The following MAGI1 variants were observed in gnomAD, a reference collection of about 807,000 sequenced individuals.
The protein encoded by MAGI1 is membrane associated guanylate kinase, WW and PDZ domain containing 1.
MAGI1 carries 58 observed loss-of-function variants against 139.9 expected under a neutral mutation model. The observed-to-expected ratio is 0.41, with a 90% confidence interval of 0.34 to 0.52. MAGI1 has a LOEUF of 0.52. MAGI1 is among the 20% of genes least tolerant of loss of function. The pLI, the probability that MAGI1 is intolerant of heterozygous loss-of-function variation, is 0.12. For synonymous variants in MAGI1, 812 were observed against 737.9 expected (o/e 1.10, Z -1.63); for missense variants, 1,874 against 1,901.6 (o/e 0.99, Z 0.27).
At chr3:65,388,038 C>T (rs995899709) in intron 14 of MAGI1, among the ~76,000 whole-genome samples, 2 of 152,198 alleles carry the variant, frequency 1.3e-5, no homozygotes, top group Non-Finnish European at 2.9e-5. Context: ...GCATCGCTGT[C>T]GTTTTTAAGA....
At chr3:65,407,644 CATT>C (rs1945461223) in intron 12 of MAGI1, among the ~76,000 whole-genome samples, 1 of 152,042 alleles carries the variant, frequency 6.6e-6, no homozygotes, top group Non-Finnish European at 1.5e-5. Flanking sequence ...TATATAAACT[CATT>C]GTTAAAAAGT....
intron 1 of MAGI1, among the ~76,000 whole-genome samples, chr3:65,862,463 T>G (rs1347591448): frequency 6.6e-6 from 1 of 152,154 alleles, no homozygotes; most frequent in African/African-American, 2.4e-5. Context: ...ACCAGCATCA[T>G]CACAATTAAT....
At chr3:65,633,605 T>A (rs916770463) in intron 1 of MAGI1, among the ~76,000 whole-genome samples, 3 of 152,164 alleles carry the variant, frequency 2.0e-5, no homozygotes, top group African/African-American at 4.8e-5. Context: ...TGAGAAAAAA[T>A]TTGAATTAAG....
rs1940092787 is a variant in MAGI1 at position 65,353,804 on chromosome 3, T to C, written c.*2574A>G. The stretch of plus-strand genomic sequence containing the variant: ...TAGGCTCACAAGAATCAGTTTCCAA[T>C]TTAAGGTTACAGCAGTTCAAAGAAA... On this transcript the variant is annotated 3_prime_UTR_variant, in exon 23 of 23. Coordinates refer to ENST00000402939, the MANE Select transcript of MAGI1 (RefSeq NM_001033057.2). 6.6e-6 allele frequency: 1 copy of C among 152,216 alleles called. No individual in the cohort carries two copies. Among genetic ancestry groups the C allele is most frequent in the African/African-American group, 2.4e-5 (1 of 41,436 alleles). The allele number at this position is 152,216 out of a possible 1,614,324, so 9.4% of individuals were successfully genotyped here.
chr3:65,654,939 A>T (rs1051400953), intron 1 of MAGI1, among the ~76,000 whole-genome samples: 3 of 152,230 alleles, frequency 2.0e-5, no homozygotes, highest in African/African-American at 7.2e-5. Flanking sequence ...GAGCGATTAT[A>T]TGTGTTTTAT....
At chr3:66,016,877 G>T (rs866209408) in intron 1 of MAGI1, among the ~76,000 whole-genome samples, 1 of 152,184 alleles carries the variant, frequency 6.6e-6, no homozygotes, top group Non-Finnish European at 1.5e-5. Context: ...TACACTAATT[G>T]AGATAAGCCA....
chr3:65,501,286 C>G (rs1200402232), intron 2 of MAGI1, among the ~76,000 whole-genome samples: 1 of 151,888 alleles, frequency 6.6e-6, no homozygotes, highest in Admixed American at 6.6e-5. Flanking sequence ...CAAGACCAGT[C>G]TGGCCAAGAT....
At chr3:65,428,520 AG>A (rs1171718631) in intron 12 of MAGI1, among the ~76,000 whole-genome samples, 5 of 152,268 alleles carry the variant, frequency 3.3e-5, no homozygotes, top group African/African-American at 9.6e-5. Flanking sequence ...GAGCATGTGG[AG>A]GGAAGTGTTT....
chr3:65,764,451 C>T (rs906425131), intron 1 of MAGI1, among the ~76,000 whole-genome samples: 2 of 152,154 alleles, frequency 1.3e-5, no homozygotes, highest in Admixed American at 1.3e-4. Flanking sequence ...TTCTATTTTA[C>T]TATGTTTGCT....
At chr3:65,687,955 T>C (rs1473928374) in intron 1 of MAGI1, 1 of 732,930 alleles carries the variant, frequency 1.4e-6, no homozygotes, top group South Asian at 1.3e-5. Context: ...GGCTCTCAGT[T>C]CACAGTTAAA....
At chr3:65,518,574 G>A (rs768328080) in intron 2 of MAGI1, among the ~76,000 whole-genome samples, 19 of 152,070 alleles carry the variant, frequency 1.2e-4, no homozygotes, top group Non-Finnish European at 2.9e-5. Context: ...GATGTGACTT[G>A]GAATCCCAAA....
At chr3:65,906,467 C>A (rs879860218) in intron 1 of MAGI1, among the ~76,000 whole-genome samples, 2 of 152,180 alleles carry the variant, frequency 1.3e-5, no homozygotes, top group African/African-American at 4.8e-5. Context: ...GGGATATCAC[C>A]CCCACCTTTC....
At chr3:65,474,191 G>A (rs1950724818) in intron 4 of MAGI1, among the ~76,000 whole-genome samples, 1 of 152,136 alleles carries the variant, frequency 6.6e-6, no homozygotes. Flanking sequence ...CTTTAACCTG[G>A]GAGGTTGAAG....
intron 1 of MAGI1, among the ~76,000 whole-genome samples, chr3:65,786,832 T>G (rs894624361): frequency 7.2e-5 from 11 of 151,906 alleles, no homozygotes; most frequent in East Asian, 1.9e-4. Flanking sequence ...AGCCAGGATG[T>G]TCTCGATTTC....
chr3:65,779,245 C>T (rs1292054101), intron 1 of MAGI1, among the ~76,000 whole-genome samples: 1 of 152,172 alleles, frequency 6.6e-6, no homozygotes, highest in East Asian at 1.9e-4. Flanking sequence ...TTCCATCACA[C>T]CCAGGGCTCT....
intron 2 of MAGI1, among the ~76,000 whole-genome samples, chr3:65,566,495 G>A (rs1234732310): frequency 2.6e-5 from 4 of 151,648 alleles, no homozygotes; most frequent in African/African-American, 9.7e-5. Flanking sequence ...GTAAATGGCA[G>A]CAAAAGCAAA....
At chr3:65,580,247 T>C (rs919252224) in intron 2 of MAGI1, among the ~76,000 whole-genome samples, 1 of 152,214 alleles carries the variant, frequency 6.6e-6, no homozygotes, top group Admixed American at 6.5e-5. Context: ...CATACAAGTT[T>C]TCAATCTAAT....
At chr3:65,759,611 G>A (rs938719586) in intron 1 of MAGI1, among the ~76,000 whole-genome samples, 3 of 152,194 alleles carry the variant, frequency 2.0e-5, no homozygotes, top group Non-Finnish European at 4.4e-5. Context: ...CTGATTTCAA[G>A]TTATATGGAG....
At chr3:65,578,013 T>C (rs993246846) in intron 2 of MAGI1, among the ~76,000 whole-genome samples, 2 of 152,198 alleles carry the variant, frequency 1.3e-5, no homozygotes, top group Admixed American at 6.5e-5. Context: ...CTACTGGAAA[T>C]GCAATGCTGT....
Sources: gnomAD v4.1 joint callset for allele counts (sites outside exome capture counted in the v4.1 genomes callset) on GRCh38, gnomAD v4.1.1 for gene constraint, MANE v1.5 for transcripts, NCBI Gene and HGNC (gene_info 2026-07-23, HGNC 2026-07-21) for gene names.